The following MEIG1 variants were observed in gnomAD, a reference collection of about 807,000 sequenced individuals.
MEIG1 encodes the protein meiosis/spermiogenesis associated 1.
In MEIG1, 12 loss-of-function variants were observed where a neutral mutation model predicts 11.3. The observed-to-expected ratio is 1.07, with a 90% confidence interval of 0.68 to 1.73. MEIG1 has a LOEUF of 1.73. MEIG1 is among the 40% of genes most tolerant of loss of function. The pLI is 0.00. For synonymous variants in MEIG1, 41 were observed against 33.2 expected (o/e 1.24, Z -0.81); for missense variants, 119 against 104.9 (o/e 1.13, Z -0.59).
downstream of MEIG1, among the ~76,000 whole-genome samples, chr10:14,976,033 C>T (rs1197570076): frequency 1.3e-5 from 2 of 152,154 alleles, no homozygotes; most frequent in Non-Finnish European, 2.9e-5. Context: ...CACCGTGGAT[C>T]CTAATATCCA....
intron 1 of MEIG1, among the ~76,000 whole-genome samples, chr10:14,979,149 G>A (rs567152785): frequency 8.6e-5 from 13 of 151,386 alleles, no homozygotes; most frequent in Middle Eastern, 3.5e-3. Context: ...GATATTATTC[G>A]GAATATCTCA....
At chr10:14,961,699 C>G (rs1267810739) in intron 1 of MEIG1, among the ~76,000 whole-genome samples, 1 of 139,632 alleles carries the variant, frequency 7.2e-6, no homozygotes, top group Non-Finnish European at 1.5e-5. Context: ...AGGCTGGTCT[C>G]GAACCCTTGA....
chr10:14,969,078 CAAAT>C (rs538501036), intron 2 of MEIG1, among the ~76,000 whole-genome samples: 4 of 151,932 alleles, frequency 2.6e-5, no homozygotes, highest in East Asian at 2.0e-4. Context: ...AACTCCATCT[CAAAT>C]AAATAAATAA....
chr10:14,978,337 G>A (rs1415397186), intron 1 of MEIG1, among the ~76,000 whole-genome samples: 1 of 151,862 alleles, frequency 6.6e-6, no homozygotes, highest in African/African-American at 2.4e-5. Context: ...AATATCCTTG[G>A]AAAATGGGAC....
At chr10:14,954,812 T>C (rs1431320664), upstream of MEIG1, among the ~76,000 whole-genome samples, 1 of 152,204 alleles carries the variant, frequency 6.6e-6, no homozygotes, top group African/African-American at 2.4e-5. Context: ...GTTAAACCTT[T>C]TATTGTATTT....
At chr10:14,968,648 T>G (rs1260381107) in intron 2 of MEIG1, among the ~76,000 whole-genome samples, 1 of 152,218 alleles carries the variant, frequency 6.6e-6, no homozygotes, top group Non-Finnish European at 1.5e-5. Context: ...AAGTGAAGAT[T>G]GATTACTGTG....
chr10:14,966,756 T>A (rs1843089191), intron 2 of MEIG1, 150 bp downstream of exon 2: 2 of 818,718 alleles, frequency 2.4e-6, no homozygotes, highest in South Asian at 3.7e-5. Context: ...TATTTTATTT[T>A]TTGAGACAGA....
intron 1 of MEIG1, among the ~76,000 whole-genome samples, chr10:14,965,472 A>C (rs934073711): frequency 5.3e-5 from 8 of 152,200 alleles, no homozygotes; most frequent in African/African-American, 1.7e-4. Context: ...GTACCACGAC[A>C]GCCACACAGT....
chr10:14,955,218 G>C (rs781735379), upstream of MEIG1, among the ~76,000 whole-genome samples: 2 of 152,144 alleles, frequency 1.3e-5, no homozygotes, highest in Non-Finnish European at 2.9e-5. Context: ...CATTGTACCT[G>C]GCTTTCCAGG....
intron 2 of MEIG1, among the ~76,000 whole-genome samples, chr10:14,968,646 A>T (rs1843115441): frequency 6.6e-6 from 1 of 152,188 alleles, no homozygotes; most frequent in African/African-American, 2.4e-5. Context: ...TCAAGTGAAG[A>T]TTGATTACTG....
intron 1 of MEIG1, among the ~76,000 whole-genome samples, chr10:14,978,904 C>T (rs1207773667): frequency 6.6e-6 from 1 of 151,984 alleles, no homozygotes; most frequent in Non-Finnish European, 1.5e-5. Context: ...TTGTAATATT[C>T]TATAGAAATG....
the MEIG1 span, chr10:14,954,253 C>G: frequency 1.6e-6 from 1 of 619,296 alleles, no homozygotes. Context: ...GGGCCCTGAG[C>G]CCTGCCCAGT....
chr10:14,954,831 G>A (rs1002036119), upstream of MEIG1, among the ~76,000 whole-genome samples: 11 of 152,058 alleles, frequency 7.2e-5, no homozygotes, highest in Admixed American at 5.2e-4. Context: ...TTCCTTTATT[G>A]TATTACAATA....
upstream of MEIG1, among the ~76,000 whole-genome samples, chr10:14,958,817 A>G (rs1842977097): frequency 6.6e-6 from 1 of 151,822 alleles, no homozygotes; most frequent in Admixed American, 6.6e-5. Flanking sequence ...AATGGCGTGA[A>G]CCCGGGAGGC....
chr10:14,962,469 G>A (rs931912968), intron 1 of MEIG1, among the ~76,000 whole-genome samples: 2 of 152,190 alleles, frequency 1.3e-5, no homozygotes, highest in Non-Finnish European at 2.9e-5. Flanking sequence ...ACTGAGAAAA[G>A]TGGTGATTTC....
At chr10:14,983,009 A>C (rs1029566381) in intron 1 of MEIG1, among the ~76,000 whole-genome samples, 1 of 152,082 alleles carries the variant, frequency 6.6e-6, no homozygotes, top group African/African-American at 2.4e-5. Flanking sequence ...AATATTGGTA[A>C]TAGATATTCC....
downstream of MEIG1, among the ~76,000 whole-genome samples, chr10:14,975,308 G>A (rs964307850): frequency 1.9e-4 from 29 of 152,194 alleles, no homozygotes; most frequent in African/African-American, 7.0e-4. Context: ...GGAAGGGAGA[G>A]GACGATATGA....
intron 1 of MEIG1, among the ~76,000 whole-genome samples, chr10:14,984,253 G>A (rs1056732839): frequency 6.6e-6 from 1 of 150,882 alleles, no homozygotes; most frequent in Non-Finnish European, 1.5e-5. Flanking sequence ...TCCAGGGTGG[G>A]AGAGGGGGGT....
Position 14,972,528 on chromosome 10 carries a change from G to C in MEIG1, c.154G>C (p.Glu52Gln), listed in dbSNP as rs767733562. The C allele has an allele frequency of 6.2e-7, 1 of 1,614,056 alleles. No individual in the cohort carries two copies. Among genetic ancestry groups the C allele is most frequent in the Admixed American group, 1.7e-5 (1 of 60,020 alleles). ...TGATGTGCAGGTAGATCGTTGGCCG[G>C]AGACAGGATATGTGAAGAAACTTCA... ...KQVSMVDRWP[E>Q]TGYVKKLQRR... Residue 52 changes from glutamate (E) to glutamine (Q), a missense_variant, in exon 3 of 3, where the codon GAG (glutamate) becomes CAG (glutamine). Transcript: ENST00000407572.
Sources: gnomAD v4.1 joint callset for allele counts (sites outside exome capture counted in the v4.1 genomes callset) on GRCh38, gnomAD v4.1.1 for gene constraint, MANE v1.5 for transcripts, NCBI Gene and HGNC (gene_info 2026-07-23, HGNC 2026-07-21) for gene names.